Variants in USH2A observed in about 807,000 individuals in gnomAD.
USH2A encodes the protein usherin.
USH2A carries 443 observed loss-of-function variants against 538.9 expected under a neutral mutation model. The observed-to-expected ratio is 0.82, with a 90% CI of 0.76 to 0.89. The LOEUF (loss-of-function observed/expected upper bound fraction) is 0.89, where lower values mean the gene tolerates loss of function less well. Ranked by LOEUF, USH2A falls within the 40% of genes least tolerant of loss-of-function variation. The pLI is 0.00. For missense variants in USH2A, 6,633 were observed against 6,324.8 expected (o/e 1.05, Z -1.65); for synonymous variants, 2,413 against 2,273.5 (o/e 1.06, Z -1.75).
intron 47 of USH2A, among the ~76,000 whole-genome samples, chr1:215,829,787 T>C (rs1276362646): frequency 6.6e-6 from 1 of 152,200 alleles, no homozygotes. Context: ...CTATGGATCA[T>C]TTTAAGAAAG....
At chr1:216,278,708 C>T (rs936382594) in intron 11 of USH2A, among the ~76,000 whole-genome samples, 3 of 152,116 alleles carry the variant, frequency 2.0e-5, no homozygotes, top group Non-Finnish European at 4.4e-5. Context: ...TTATGCAATA[C>T]TTATTTTTTC....
rs368172489 is a variant in USH2A, at chr1:216,382,582, A to T, written c.652-17497T>A. Reference sequence around the variant, plus strand: ...ATTTGAATTTTGAAAGCTCACTGATAGCACTGTGGCAATATAAATTTAGAA... The same window carrying T: ...ATTTGAATTTTGAAAGCTCACTGATTGCACTGTGGCAATATAAATTTAGAA... On this transcript the variant is annotated intron_variant, in intron 3 of 71. Transcript: ENST00000307340. Among the ~76,000 whole-genome samples, 284 of 152,328 alleles carry T rather than the reference A, an allele frequency of 1.9e-3. 14 individuals carry two copies. The South Asian group carries it at 0.057, about 31-fold the overall frequency.
At chr1:215,979,628 G>A (rs1667703399) in intron 35 of USH2A, among the ~76,000 whole-genome samples, 1 of 152,088 alleles carries the variant, frequency 6.6e-6, no homozygotes, top group Admixed American at 6.6e-5. Context: ...AATGAGGCAG[G>A]GATGTGGGAA....
At chr1:216,335,296 T>C (rs539599205) in intron 4 of USH2A, among the ~76,000 whole-genome samples, 3 of 151,778 alleles carry the variant, frequency 2.0e-5, no homozygotes, top group African/African-American at 7.2e-5. Context: ...AAGTAGTGTT[T>C]AAAGTGATAT....
chr1:216,003,802 T>G (rs1380862331), intron 32 of USH2A, among the ~76,000 whole-genome samples: 1 of 152,184 alleles, frequency 6.6e-6, no homozygotes, highest in Non-Finnish European at 1.5e-5. Flanking sequence ...AGAGCTGTCA[T>G]GCAATCAAAC....
At chr1:216,046,738 C>T (rs1571914140) in intron 31 of USH2A, 146 bp from the exon 32 acceptor site, 3 of 938,910 alleles carry the variant, frequency 3.2e-6, no homozygotes, top group East Asian at 5.3e-5. Flanking sequence ...TCAGTAATTG[C>T]TTTAGGAACA....
intron 35 of USH2A, among the ~76,000 whole-genome samples, chr1:215,985,721 A>G (rs1667855178): frequency 6.6e-6 from 1 of 152,210 alleles, no homozygotes; most frequent in African/African-American, 2.4e-5. Flanking sequence ...TGCATACATT[A>G]TGAAAACTTA....
intron 70 of USH2A, among the ~76,000 whole-genome samples, chr1:215,632,526 A>G (rs1656315851): frequency 6.6e-6 from 1 of 152,212 alleles, no homozygotes; most frequent in Non-Finnish European, 1.5e-5. Flanking sequence ...GGACTGGGTC[A>G]AAGGACAGGA....
intron 20 of USH2A, among the ~76,000 whole-genome samples, chr1:216,183,204 A>G (rs2034527135): frequency 1.3e-5 from 2 of 151,990 alleles, no homozygotes; most frequent in South Asian, 2.1e-4. Flanking sequence ...CCCAGCCTGA[A>G]GGATTTCCCT....
At chr1:215,677,031 C>G (rs1658053646) in intron 62 of USH2A, among the ~76,000 whole-genome samples, 1 of 152,162 alleles carries the variant, frequency 6.6e-6, no homozygotes, top group Non-Finnish European at 1.5e-5. Context: ...TTCTTCCTTT[C>G]CCCTAACCAC....
chr1:215,880,214 T>G (rs559136182), intron 41 of USH2A, among the ~76,000 whole-genome samples: 1 of 152,296 alleles, frequency 6.6e-6, no homozygotes, highest in South Asian at 2.1e-4. Flanking sequence ...GAAATTAAAA[T>G]GGAGAAGGAC....
chr1:216,087,029 G>C (rs571202263), intron 23 of USH2A: 92 of 527,386 alleles, frequency 1.7e-4, no homozygotes, highest in South Asian at 1.7e-3. Context: ...CTGCCTCTCA[G>C]GCCTCTTCCT....
intron 11 of USH2A, among the ~76,000 whole-genome samples, chr1:216,261,812 C>T (rs1553322752): frequency 6.6e-6 from 1 of 152,124 alleles, no homozygotes; most frequent in Non-Finnish European, 1.5e-5. Flanking sequence ...CCAAAGCAAG[C>T]CAGTTCCTAA....
chr1:215,926,614 C>CT (rs10673615), intron 38 of USH2A, among the ~76,000 whole-genome samples: 5,178 of 75,672 alleles, frequency 0.068, 391 homozygotes, highest in East Asian at 0.27. Flanking sequence ...ACCTACCTAT[C>CT]TTTTTTTTTT....
intron 62 of USH2A, 147 bp downstream of exon 62, chr1:215,680,002 T>A: frequency 1.3e-6 from 1 of 783,582 alleles, no homozygotes; most frequent in Non-Finnish European, 2.2e-6. Flanking sequence ...GTTTCTGTGA[T>A]CTATGATTAA....
At chr1:216,060,213 G>A (rs913628904) in intron 30 of USH2A, among the ~76,000 whole-genome samples, 2 of 152,178 alleles carry the variant, frequency 1.3e-5, no homozygotes, top group African/African-American at 4.8e-5. Context: ...TAGGTAAAAT[G>A]CAAATTGCTA....
intron 20 of USH2A, among the ~76,000 whole-genome samples, chr1:216,175,822 C>A (rs1274101896): frequency 6.6e-6 from 1 of 152,124 alleles, no homozygotes; most frequent in African/African-American, 2.4e-5. Context: ...AGTCCCTCTA[C>A]CAAGCAGGTA....
chr1:215,820,564 T>C (rs1662984495), intron 47 of USH2A, among the ~76,000 whole-genome samples: 1 of 151,856 alleles, frequency 6.6e-6, no homozygotes, highest in Non-Finnish European at 1.5e-5. Context: ...TCACCTTAAA[T>C]AGTTGTCTTT....
chr1:216,041,440 A>G (rs781575653), intron 32 of USH2A, among the ~76,000 whole-genome samples: 1 of 152,088 alleles, frequency 6.6e-6, no homozygotes, highest in African/African-American at 2.4e-5. Flanking sequence ...ATTGAAATGC[A>G]TTTACTTTGC....
Sources: gnomAD v4.1 joint callset for allele counts (sites outside exome capture counted in the v4.1 genomes callset) on GRCh38, gnomAD v4.1.1 for gene constraint, MANE v1.5 for transcripts, NCBI Gene and HGNC (gene_info 2026-07-23, HGNC 2026-07-21) for gene names.